Variants in GHR observed in about 807,000 individuals in gnomAD.
GHR encodes growth hormone receptor.
A neutral mutation model predicts 67.1 loss-of-function variants in GHR; 35 were observed. The ratio of observed to expected loss-of-function variants is 0.52; its 90% CI spans 0.40 to 0.69. The LOEUF is 0.69. Ranked by LOEUF, GHR falls within the 30% of genes least tolerant of loss-of-function variation. The pLI, the probability that GHR is intolerant of heterozygous loss-of-function variation, is 0.00. For missense variants in GHR, 792 were observed against 764.6 expected (o/e 1.04, Z -0.42); for synonymous variants, 272 against 269.1 (o/e 1.01, Z -0.10).
chr5:42,566,934 T>A (rs1475796018), intron 2 of GHR, among the ~76,000 whole-genome samples: 1 of 152,060 alleles, frequency 6.6e-6, no homozygotes, highest in Non-Finnish European at 1.5e-5. Context: ...ACTTAGAAAA[T>A]GAGAAGAGTA....
intron 2 of GHR, among the ~76,000 whole-genome samples, chr5:42,583,009 C>G (rs112939947): frequency 6.6e-6 from 1 of 150,676 alleles, no homozygotes; most frequent in African/African-American, 2.4e-5. Context: ...TAGCGCAACC[C>G]GAGCATAGCC....
intron 1 of GHR, among the ~76,000 whole-genome samples, chr5:42,560,262 C>T (rs1047042065): frequency 6.6e-6 from 1 of 152,098 alleles, no homozygotes; most frequent in Non-Finnish European, 1.5e-5. Flanking sequence ...GGCATAATCT[C>T]GGCTCACTGC....
intron 1 of GHR, among the ~76,000 whole-genome samples, chr5:42,430,375 A>C (rs999344342): frequency 2.0e-5 from 3 of 152,084 alleles, no homozygotes; most frequent in Admixed American, 6.6e-5. Context: ...CACACACACA[A>C]AAACATATAT....
chr5:42,482,597 C>G (rs935970303), intron 1 of GHR, among the ~76,000 whole-genome samples: 1 of 152,176 alleles, frequency 6.6e-6, no homozygotes, highest in Non-Finnish European at 1.5e-5. Flanking sequence ...GCCCCTCCCC[C>G]AGCCTCGCTG....
chr5:42,664,729 C>G (rs1755859390), intron 3 of GHR, among the ~76,000 whole-genome samples: 1 of 152,120 alleles, frequency 6.6e-6, no homozygotes, highest in Non-Finnish European at 1.5e-5. Flanking sequence ...GCAACAAAAG[C>G]AAAAATTGAC....
chr5:42,693,692 T>G (rs568839640), intron 4 of GHR, among the ~76,000 whole-genome samples: 48 of 152,064 alleles, frequency 3.2e-4, no homozygotes, highest in Non-Finnish European at 5.9e-4. Flanking sequence ...CAACCTGCAT[T>G]GTCTTCATTG....
intron 2 of GHR, among the ~76,000 whole-genome samples, chr5:42,597,690 T>A (rs1299125668): frequency 1.3e-5 from 2 of 152,222 alleles, no homozygotes; most frequent in African/African-American, 2.4e-5. Flanking sequence ...CGGCTTCATT[T>A]GTAAGTACCA....
rs192178833 is a variant in GHR at position 42,683,126 on chromosome 5, C to T, written c.137-5764C>T. ...AAGCAATTCTCCTGCCTCAGCCTCC[C>T]AGGTAGCTGGGATTACAGGTGCATG... On this transcript the variant is annotated intron_variant, in intron 3 of 9. Transcript: ENST00000230882. 4.0e-3 allele frequency among the ~76,000 whole-genome samples: 614 copies of T among 152,262 alleles called. 3 individuals are homozygous for T. Among genetic ancestry groups the T allele is most frequent in the Non-Finnish European group, 3.7e-3 (253 of 68,014 alleles).
intron 1 of GHR, among the ~76,000 whole-genome samples, chr5:42,456,938 C>T (rs1744287771): frequency 6.6e-6 from 1 of 152,138 alleles, no homozygotes; most frequent in South Asian, 2.1e-4. Flanking sequence ...CGGAAGAGGA[C>T]TTAATTCATT....
At chr5:42,476,791 C>G (rs1374653030) in intron 1 of GHR, among the ~76,000 whole-genome samples, 1 of 152,182 alleles carries the variant, frequency 6.6e-6, no homozygotes, top group African/African-American at 2.4e-5. Flanking sequence ...AATAGTCTAT[C>G]AGTAAAACCC....
At chr5:42,691,369 C>A (rs1435878556) in intron 4 of GHR, among the ~76,000 whole-genome samples, 1 of 152,152 alleles carries the variant, frequency 6.6e-6, no homozygotes, top group African/African-American at 2.4e-5. Flanking sequence ...GAGCCCACAG[C>A]CCAGTTTATC....
At chr5:42,713,152 T>C (rs149729149) in intron 7 of GHR, among the ~76,000 whole-genome samples, 32 of 152,270 alleles carry the variant, frequency 2.1e-4, no homozygotes, top group Admixed American at 4.6e-4. Flanking sequence ...AAGCAGATTG[T>C]TTGTTTTCAT....
intron 1 of GHR, chr5:42,425,142 CTGGAA>C (rs1742796085): frequency 2.3e-6 from 1 of 439,700 alleles, no homozygotes; most frequent in Non-Finnish European, 3.0e-6. Flanking sequence ...TGGCTGAGGA[CTGGAA>C]GTGAGGTTTT....
intron 2 of GHR, among the ~76,000 whole-genome samples, chr5:42,603,997 A>G (rs925880668): frequency 2.0e-5 from 3 of 152,226 alleles, no homozygotes; most frequent in Admixed American, 6.5e-5. Context: ...AGAGTGGCTC[A>G]TGGAACTTGG....
chr5:42,436,090 A>G (rs949849047), intron 1 of GHR, among the ~76,000 whole-genome samples: 1 of 152,204 alleles, frequency 6.6e-6, no homozygotes, highest in Non-Finnish European at 1.5e-5. Flanking sequence ...CCCCTAAATC[A>G]TATATGAACT....
chr5:42,524,463 A>G (rs188568063), intron 1 of GHR, among the ~76,000 whole-genome samples: 11 of 152,356 alleles, frequency 7.2e-5, no homozygotes, highest in Admixed American at 6.5e-4. Flanking sequence ...CAAGAGGTGA[A>G]TGCTTGGGTG....
chr5:42,678,243 T>C (rs11739840), intron 3 of GHR, among the ~76,000 whole-genome samples: 13,516 of 152,242 alleles, frequency 0.089, 747 homozygotes, highest in Middle Eastern at 0.14. Context: ...TCTCAGCCTC[T>C]ACCCAGTATT....
At chr5:42,530,426 A>G (rs1747913924) in intron 1 of GHR, among the ~76,000 whole-genome samples, 1 of 152,216 alleles carries the variant, frequency 6.6e-6, no homozygotes, top group Non-Finnish European at 1.5e-5. Flanking sequence ...ACACTGTCTT[A>G]CACAGTAATT....
intron 1 of GHR, among the ~76,000 whole-genome samples, chr5:42,560,715 G>A (rs1749558978): frequency 6.6e-6 from 1 of 152,060 alleles, no homozygotes; most frequent in Admixed American, 6.6e-5. Flanking sequence ...AAAACACCAA[G>A]TATCCAAAGC....
Sources: allele counts gnomAD v4.1 joint callset (sites outside exome capture counted in the v4.1 genomes callset), GRCh38; gene constraint gnomAD v4.1.1; transcripts MANE v1.5; gene names NCBI Gene and HGNC (gene_info 2026-07-23, HGNC 2026-07-21).